The following CLDN10 variants were observed in gnomAD, a reference collection of about 807,000 sequenced individuals.
The protein encoded by CLDN10 is claudin 10.
CLDN10 carries 15 observed loss-of-function variants against 22.9 expected under a neutral mutation model. The observed-to-expected ratio is 0.65, with a 90% CI of 0.44 to 1.01. CLDN10 has a LOEUF of 1.01. Among genes scored for constraint, CLDN10 ranks in the 50% least tolerant of loss-of-function variants. The pLI, the probability that CLDN10 is intolerant of heterozygous loss-of-function variation, is 0.00. For synonymous variants in CLDN10, 114 were observed against 111.4 expected (o/e 1.02, Z -0.15); for missense variants, 247 against 287.8 (o/e 0.86, Z 1.03).
At chr13:95,438,040 G>T (rs981326687) in intron 1 of CLDN10, among the ~76,000 whole-genome samples, 2 of 152,008 alleles carry the variant, frequency 1.3e-5, no homozygotes, top group Middle Eastern at 3.2e-3. Flanking sequence ...TGGGATTAAG[G>T]TCTTTTCTTC....
intron 1 of CLDN10, among the ~76,000 whole-genome samples, chr13:95,455,242 T>C (rs2042471519): frequency 6.6e-6 from 1 of 152,184 alleles, no homozygotes; most frequent in African/African-American, 2.4e-5. Flanking sequence ...CTGCAGCCTA[T>C]TGGCCAGTGG....
intron 1 of CLDN10, among the ~76,000 whole-genome samples, chr13:95,553,781 C>A (rs1172857318): frequency 6.6e-6 from 1 of 152,114 alleles, no homozygotes; most frequent in Non-Finnish European, 1.5e-5. Flanking sequence ...GTTAGTCAGG[C>A]CTTATGCTGG....
intron 1 of CLDN10, among the ~76,000 whole-genome samples, chr13:95,499,356 A>G (rs2042960409): frequency 6.6e-6 from 1 of 152,186 alleles, no homozygotes; most frequent in Non-Finnish European, 1.5e-5. Context: ...ACCCTAGCCA[A>G]CATGGTGAAA....
At chr13:95,450,553 C>T (rs912319408) in intron 1 of CLDN10, among the ~76,000 whole-genome samples, 4 of 152,214 alleles carry the variant, frequency 2.6e-5, no homozygotes, top group Non-Finnish European at 5.9e-5. Flanking sequence ...ATGTTCTTTG[C>T]CATGTGTCTT....
intron 1 of CLDN10, among the ~76,000 whole-genome samples, chr13:95,454,513 A>T (rs913520312): frequency 6.6e-6 from 1 of 152,048 alleles, no homozygotes; most frequent in Non-Finnish European, 1.5e-5. Flanking sequence ...AGACAGAACC[A>T]CTGGTGCAGG....
chr13:95,550,186 T>C (rs1220622915), upstream of CLDN10, among the ~76,000 whole-genome samples: 2 of 152,246 alleles, frequency 1.3e-5, no homozygotes, highest in African/African-American at 4.8e-5. Context: ...CCGGATGCTA[T>C]GTTGCAACGG....
intron 1 of CLDN10, among the ~76,000 whole-genome samples, chr13:95,519,831 G>A (rs1252257787): frequency 6.6e-6 from 1 of 152,204 alleles, no homozygotes; most frequent in Non-Finnish European, 1.5e-5. Flanking sequence ...CTGGGTCTAG[G>A]TAAAGAGGAA....
At chr13:95,536,438 G>A (rs981039861) in intron 1 of CLDN10, among the ~76,000 whole-genome samples, 4 of 152,130 alleles carry the variant, frequency 2.6e-5, no homozygotes, top group Non-Finnish European at 5.9e-5. Flanking sequence ...GACAGAGCAA[G>A]ACTCTGTCTC....
At chr13:95,460,390 G>C (rs1330055965) in intron 1 of CLDN10, among the ~76,000 whole-genome samples, 1 of 152,110 alleles carries the variant, frequency 6.6e-6, no homozygotes, top group African/African-American at 2.4e-5. Context: ...AAATACCTGA[G>C]ACTGGGTAAT....
intron 3 of CLDN10, 178 bp downstream of exon 3, chr13:95,560,641 T>G: frequency 1.7e-6 from 1 of 599,866 alleles, no homozygotes; most frequent in South Asian, 2.0e-5. Flanking sequence ...AAATATGCAT[T>G]TAATTAGTTT....
At chr13:95,458,378 C>T (rs2042503033) in intron 1 of CLDN10, among the ~76,000 whole-genome samples, 2 of 152,128 alleles carry the variant, frequency 1.3e-5, no homozygotes, top group South Asian at 2.1e-4. Flanking sequence ...TTTCACATTG[C>T]TATAAGGAAA....
intron 1 of CLDN10, among the ~76,000 whole-genome samples, chr13:95,558,914 A>G (rs940880341): frequency 6.6e-5 from 10 of 152,122 alleles, no homozygotes; most frequent in Admixed American, 6.5e-5. Context: ...GGCAAAAGTG[A>G]GATCCTGTGT....
intron 1 of CLDN10, among the ~76,000 whole-genome samples, chr13:95,525,627 G>C (rs1436444375): frequency 1.3e-5 from 2 of 152,008 alleles, no homozygotes; most frequent in Non-Finnish European, 2.9e-5. Context: ...AAGTAGCTGG[G>C]ATTACAGGCG....
intron 1 of CLDN10, among the ~76,000 whole-genome samples, chr13:95,495,760 A>AAAAG (rs781323865): frequency 1.2e-3 from 160 of 129,360 alleles, no homozygotes; most frequent in Middle Eastern, 8.3e-3. Flanking sequence ...AAAAAAAAAG[A>AAAAG]AAAGAAAGAA....
At chr13:95,436,830 A>C (rs1372121330) in intron 1 of CLDN10, among the ~76,000 whole-genome samples, 1 of 152,240 alleles carries the variant, frequency 6.6e-6, no homozygotes, top group Non-Finnish European at 1.5e-5. Context: ...TGAGGGAATC[A>C]GGAAAGCTAT....
chr13:95,523,201 C>A (rs905932396), intron 1 of CLDN10, among the ~76,000 whole-genome samples: 4 of 151,862 alleles, frequency 2.6e-5, no homozygotes, highest in South Asian at 4.2e-4. Flanking sequence ...AATTTATACT[C>A]TTTTACTAGT....
intron 1 of CLDN10, among the ~76,000 whole-genome samples, chr13:95,463,285 AATATATATATATATATATATAT>A (rs200962205): frequency 0.026 from 1,043 of 40,106 alleles, 63 homozygotes; most frequent in African/African-American, 0.075. Flanking sequence ...GCAAATGCTT[AATATATATATATATATATATAT>A]ATATATATAT....
At chr13:95,537,270 C>T (rs2043410054) in intron 1 of CLDN10, among the ~76,000 whole-genome samples, 1 of 152,078 alleles carries the variant, frequency 6.6e-6, no homozygotes, top group Non-Finnish European at 1.5e-5. Flanking sequence ...TGGTTAATAG[C>T]TAATCAGTTT....
intron 1 of CLDN10, chr13:95,496,996 G>T (rs1344666743): frequency 6.6e-6 from 1 of 152,018 alleles, no homozygotes; most frequent in Admixed American, 6.6e-5. Flanking sequence ...GTGGGACTTG[G>T]GTAAGTTTCT....
Sources: allele counts gnomAD v4.1 joint callset (sites outside exome capture counted in the v4.1 genomes callset), GRCh38; gene constraint gnomAD v4.1.1; transcripts MANE v1.5; gene names NCBI Gene and HGNC (gene_info 2026-07-23, HGNC 2026-07-21).